PPP1R12A: variants seen among roughly 807,000 people sequenced by gnomAD.
The protein encoded by PPP1R12A is protein phosphatase 1 regulatory subunit 12A.
PPP1R12A carries 19 observed loss-of-function variants against 139.6 expected under a neutral mutation model. The observed-to-expected ratio is 0.14, with a 90% confidence interval of 0.09 to 0.20. The LOEUF is 0.20. Ranked by LOEUF, PPP1R12A falls within the 10% of genes least tolerant of loss-of-function variation. The pLI is 1.00. For missense variants in PPP1R12A, 925 were observed against 1,211.5 expected, an observed-to-expected ratio of 0.76 and a Z score of 3.51; for synonymous variants, 427 against 420.6, an observed-to-expected ratio of 1.02 and a Z score of -0.19.
intron 22 of PPP1R12A, among the ~76,000 whole-genome samples, chr12:79,784,821 T>C (rs1342194893): frequency 6.6e-6 from 1 of 152,006 alleles, no homozygotes; most frequent in African/African-American, 2.4e-5. Context: ...GTATTTTTAG[T>C]AGAGATGAGG....
At chr12:79,814,815 C>CAA (rs149384466) in intron 9 of PPP1R12A, among the ~76,000 whole-genome samples, 6,674 of 69,268 alleles carry the variant, frequency 0.096, 1,236 homozygotes, top group African/African-American at 0.25. Flanking sequence ...AACTCTGTCT[C>CAA]AAAAAAAAAA....
At chr12:79,907,660 A>T (rs370912409) in intron 1 of PPP1R12A, among the ~76,000 whole-genome samples, 33 of 152,298 alleles carry the variant, frequency 2.2e-4, no homozygotes, top group African/African-American at 7.7e-4. Context: ...GTGCTTTGGG[A>T]GGCCAAGGCA....
At chr12:79,807,352 G>T in intron 11 of PPP1R12A, 22 bp from the exon 12 acceptor site, 1 of 1,381,066 alleles carries the variant, frequency 7.2e-7, no homozygotes, top group Non-Finnish European at 1.0e-6. Context: ...ACACCCTTCA[G>T]ATTCTGGTAC....
chr12:79,814,129 G>C (rs930128968), intron 9 of PPP1R12A, among the ~76,000 whole-genome samples: 2 of 152,076 alleles, frequency 1.3e-5, no homozygotes, highest in African/African-American at 4.8e-5. Context: ...AGATACAGGA[G>C]TATAAGAATC....
In PPP1R12A at chr12:79,822,145, A is replaced by T. The variant is rs1349904492; in HGVS notation, c.838T>A (p.Leu280Ile). The T allele has an allele frequency of 6.3e-7, 1 of 1,586,420 alleles. No homozygotes were observed. Residue 280 changes from leucine to isoleucine, a missense_variant, in exon 6 of 25, where the codon TTA becomes ATA. Physicochemically the swap from Leu to Ile is conservative, Grantham distance 5. Around this residue, in one of 4 missense-constraint regions of PPP1R12A, gnomAD observed 403 missense variants for 463.7 expected, o/e 0.87. Transcript: ENST00000450142. The stretch of plus-strand genomic sequence containing the variant: ...TTTTGTTTCTTTTGCAACTCTTCTA[A>T]ATATCCTAAAATGTCTTCATCTGCT... ...DVADEDILGY[L>I]EELQKKQNLL...
chr12:79,858,264 T>C (rs971928295), intron 2 of PPP1R12A, among the ~76,000 whole-genome samples: 1 of 152,208 alleles, frequency 6.6e-6, no homozygotes, highest in Non-Finnish European at 1.5e-5. Flanking sequence ...AATGATAGTT[T>C]CCTTTGTTAA....
rs146844979 is a variant in PPP1R12A, at chr12:79,876,609, C to T, written c.238-3671G>A. Among the ~76,000 whole-genome samples, 17 of 152,252 alleles carry T rather than the reference C, an allele frequency of 1.1e-4. No individual in the cohort carries two copies. In the East Asian group the frequency reaches 2.3e-3, roughly 21 times the overall value. On this transcript the variant is annotated intron_variant, in intron 1 of 24. Coordinates refer to ENST00000450142, the MANE Select transcript of PPP1R12A (RefSeq NM_002480.3). ...ATTTCTCACCTGCAACAGGATATCA[C>T]GCATTCTAGGGGCTAAGTATTACTT... is the stretch of plus-strand genomic sequence containing the variant.
intron 14 of PPP1R12A, among the ~76,000 whole-genome samples, chr12:79,800,674 G>A (rs1421851904): frequency 2.7e-5 from 4 of 149,754 alleles, no homozygotes; most frequent in Non-Finnish European, 5.9e-5. Flanking sequence ...TTTACTCCAT[G>A]TATCTCCCTC....
chr12:79,930,422 T>C (rs918889370), intron 1 of PPP1R12A, among the ~76,000 whole-genome samples: 1 of 151,792 alleles, frequency 6.6e-6, no homozygotes. Context: ...GCATGCTAGA[T>C]TAAATAAGGG....
At chr12:79,811,413 A>G (rs1874516453) in intron 9 of PPP1R12A, among the ~76,000 whole-genome samples, 1 of 152,216 alleles carries the variant, frequency 6.6e-6, no homozygotes, top group Non-Finnish European at 1.5e-5. Flanking sequence ...GTTTTGAGAG[A>G]AGCACAGTGA....
chr12:79,797,664 A>G (rs1309839748), intron 15 of PPP1R12A, among the ~76,000 whole-genome samples: 2 of 152,074 alleles, frequency 1.3e-5, no homozygotes, highest in South Asian at 2.1e-4. Flanking sequence ...TACTGTTTGT[A>G]TATTATAAAT....
intron 22 of PPP1R12A, among the ~76,000 whole-genome samples, chr12:79,784,104 GCAAATATCTGACGCAAATATTTGTGT>G (rs1438697723): frequency 6.6e-6 from 1 of 151,880 alleles, no homozygotes; most frequent in Non-Finnish European, 1.5e-5. Context: ...GCTATTTGTG[GCAAATATCTGACGCAAATATTTGTGT>G]ATTTGTGAAT....
chr12:79,898,905 C>A (rs1470604137), intron 1 of PPP1R12A, among the ~76,000 whole-genome samples: 2 of 152,128 alleles, frequency 1.3e-5, no homozygotes, highest in Non-Finnish European at 2.9e-5. Flanking sequence ...ATGCTACCTT[C>A]CATATATACT....
intron 1 of PPP1R12A, among the ~76,000 whole-genome samples, chr12:79,916,692 A>C (rs1887020177): frequency 6.6e-6 from 1 of 152,208 alleles, no homozygotes; most frequent in African/African-American, 2.4e-5. Flanking sequence ...TGTTCATCAC[A>C]TCGTCAAGCA....
chr12:79,868,876 T>C (rs986699112), intron 2 of PPP1R12A, among the ~76,000 whole-genome samples: 1 of 152,204 alleles, frequency 6.6e-6, no homozygotes, highest in Non-Finnish European at 1.5e-5. Context: ...TTTTAGTACC[T>C]GACCTGATAT....
chr12:79,832,250 GT>G, intron 4 of PPP1R12A, 81 bp downstream of exon 4: 1 of 1,318,608 alleles, frequency 7.6e-7, no homozygotes, highest in Non-Finnish European at 1.0e-6. Context: ...TCAAAATAAC[GT>G]TTGCAGGTAT....
At chr12:79,855,889 C>A (rs990585607) in intron 2 of PPP1R12A, among the ~76,000 whole-genome samples, 1 of 151,678 alleles carries the variant, frequency 6.6e-6, no homozygotes, top group Non-Finnish European at 1.5e-5. Context: ...TTTTATATGA[C>A]TGAAATTATG....
chr12:79,916,523 T>C (rs1887009166), intron 1 of PPP1R12A, among the ~76,000 whole-genome samples: 1 of 152,210 alleles, frequency 6.6e-6, no homozygotes, highest in Non-Finnish European at 1.5e-5. Context: ...AACCCAAATT[T>C]TATCCTTTAA....
chr12:79,811,379 G>A (rs954246313), intron 9 of PPP1R12A, among the ~76,000 whole-genome samples: 7 of 152,212 alleles, frequency 4.6e-5, no homozygotes, highest in African/African-American at 9.6e-5. Flanking sequence ...ACAAAATCAC[G>A]GGGGCTCTGT....
Sources: gnomAD v4.1 joint callset for allele counts (sites outside exome capture counted in the v4.1 genomes callset) on GRCh38, gnomAD v4.1.1 for gene constraint, gnomAD v4.1.1 regional missense constraint, MANE v1.5 for transcripts, NCBI Gene and HGNC (gene_info 2026-07-23, HGNC 2026-07-21) for gene names.